SMKR1: variants seen among roughly 807,000 people sequenced by gnomAD.
SMKR1 encodes small lysine rich protein 1, also known as small lysine-rich protein 1.
A neutral mutation model predicts 4.0 loss-of-function variants in SMKR1; 4 were observed. That is an observed-to-expected ratio of 1.00 (90% CI 0.49 to 2.30). The LOEUF is 2.30. Among genes scored for constraint, SMKR1 ranks in the 30% most tolerant of loss-of-function variants. The pLI, the probability that SMKR1 is intolerant of heterozygous loss-of-function variation, is 0.02. For missense variants in SMKR1, 56 were observed against 81.8 expected, an observed-to-expected ratio of 0.68 and a Z score of 1.22; for synonymous variants, 38 against 32.5, an observed-to-expected ratio of 1.17 and a Z score of -0.58.
intron 1 of SMKR1, among the ~76,000 whole-genome samples, chr7:129,510,251 T>G (rs1009223600): frequency 8.5e-5 from 13 of 152,218 alleles, no homozygotes; most frequent in Non-Finnish European, 1.9e-4. Context: ...TATTTCCAGA[T>G]TAGGATGGTA....
In SMKR1 at chr7:129,512,366, C is replaced by G. The variant is rs1027578932; in HGVS notation, c.123C>G (p.Asn41Lys). 6.5e-7 allele frequency: 1 copy of G among 1,536,050 alleles called. No individual in the cohort carries two copies. The highest frequency in any genetic ancestry group is 1.2e-5 in the South Asian group (1 of 84,050). ...AMLNLYYIAHNVADCLHLRGF... is the reference protein window; with the variant it reads ...AMLNLYYIAHKVADCLHLRGF... ...TGAACCTCTACTACATCGCCCACAA[C>G]GTCGCTGACTGCCTGCATCTGCGAG... is the stretch of plus-strand genomic sequence containing the variant. The change falls in exon 2 of 2, where the codon AAC becomes AAG. Residue 41 changes from asparagine to lysine, a missense_variant. Asn to Lys is a moderately conservative substitution (Grantham distance 94). Transcript: ENST00000462322.
chr7:129,504,099 A>G lies in SMKR1; in HGVS notation c.3+1272A>G, dbSNP rs541786460. Among the ~76,000 whole-genome samples the G allele has an allele frequency of 9.5e-4, 145 of 152,202 alleles. 1 individual carries two copies. The highest frequency in any genetic ancestry group is 3.4e-3 in the Middle Eastern group (1 of 294). On this transcript the variant is annotated intron_variant, in intron 1 of 1. Coordinates refer to ENST00000462322, the MANE Select transcript of SMKR1 (RefSeq NM_001195243.2). Reference sequence around the variant, plus strand: ...CGCCTTGGCCTCTCAAATTGCTGGGATTACAGGTGTGAGCCACTGTGCCCA... The same window carrying G: ...CGCCTTGGCCTCTCAAATTGCTGGGGTTACAGGTGTGAGCCACTGTGCCCA...
chr7:129,503,696 T>C (rs1206396357), intron 1 of SMKR1, among the ~76,000 whole-genome samples: 1 of 152,162 alleles, frequency 6.6e-6, no homozygotes, highest in Non-Finnish European at 1.5e-5. Context: ...AAAGCCTTAT[T>C]CCTCATTAGA....
intron 1 of SMKR1, among the ~76,000 whole-genome samples, chr7:129,503,829 CTTTTTT>C (rs11404964): frequency 1.6e-5 from 2 of 126,298 alleles, no homozygotes; most frequent in African/African-American, 6.0e-5. Context: ...GAGCTATTAC[CTTTTTT>C]TTTTTTTTTT....
Position 129,502,810 on chromosome 7 carries a change from C to T in SMKR1, c.-15C>T, listed in dbSNP as rs1275523957. On this transcript the variant is annotated 5_prime_UTR_variant, in exon 1 of 2. Transcript: ENST00000462322. ...GGAGAGTCCACCACGCCTGCCTGCTCGGCTGAGAATCGCCATGGTAATCCC... is the reference window on the plus strand; with the variant it reads ...GGAGAGTCCACCACGCCTGCCTGCTTGGCTGAGAATCGCCATGGTAATCCC... The T allele has an allele frequency of 6.5e-6, 10 of 1,534,982 alleles. No individual in the cohort carries two copies. Among genetic ancestry groups the T allele is most frequent in the African/African-American group, 2.8e-5 (2 of 72,486 alleles).
intron 1 of SMKR1, among the ~76,000 whole-genome samples, chr7:129,507,019 T>C (rs1799474340): frequency 7.3e-6 from 1 of 136,296 alleles, no homozygotes; most frequent in African/African-American, 2.9e-5. Flanking sequence ...ATCTGACTAA[T>C]TTTTTTTTTT....
At chr7:129,504,771 C>G (rs776101554) in intron 1 of SMKR1, among the ~76,000 whole-genome samples, 1 of 152,180 alleles carries the variant, frequency 6.6e-6, no homozygotes, top group Non-Finnish European at 1.5e-5. Context: ...CCAGACTGGT[C>G]TCAAACTGGG....
rs371874014 is a variant in SMKR1, at chr7:129,504,051, C to T, written c.3+1224C>T. On this transcript the variant is annotated intron_variant, in intron 1 of 1. Transcript: ENST00000462322. ...CCATGTTGCCCAGGCTGGTCTCAAA[C>T]GCCTGGGCTCAAGGGATCCGCCCGC... is the stretch of plus-strand genomic sequence containing the variant. Among the ~76,000 whole-genome samples, 46 of 152,008 alleles carry T rather than the reference C, an allele frequency of 3.0e-4. No homozygotes were observed. In the East Asian group the frequency reaches 3.1e-3, roughly 10 times the overall value.
intron 1 of SMKR1, among the ~76,000 whole-genome samples, chr7:129,510,652 T>A (rs1339981043): frequency 6.6e-6 from 1 of 152,088 alleles, no homozygotes; most frequent in East Asian, 1.9e-4. Context: ...CGCTTGAGCC[T>A]GGAAGGTCAG....
chr7:129,504,463 C>G (rs1027074274), intron 1 of SMKR1, among the ~76,000 whole-genome samples: 1 of 152,220 alleles, frequency 6.6e-6, no homozygotes, highest in African/African-American at 2.4e-5. Context: ...CTTTGATGGC[C>G]CAGATGAGGT....
intron 1 of SMKR1, among the ~76,000 whole-genome samples, chr7:129,503,829 C>CTTTTTT (rs11404964): frequency 7.9e-6 from 1 of 126,298 alleles, no homozygotes; most frequent in African/African-American, 3.0e-5. Flanking sequence ...GAGCTATTAC[C>CTTTTTT]TTTTTTTTTT....
intron 1 of SMKR1, among the ~76,000 whole-genome samples, chr7:129,510,664 G>T (rs1346950755): frequency 6.6e-6 from 1 of 152,148 alleles, no homozygotes; most frequent in Non-Finnish European, 1.5e-5. Flanking sequence ...GAAGGTCAGG[G>T]TTACAGTAAG....
Position 129,512,459 on chromosome 7 carries a change from T to C in SMKR1, c.*18T>C. ...GCAAGTGACAGCATTTCACAACACA[T>C]CTCTGTTACAGACAACAGGACCTGG... On this transcript the variant is annotated 3_prime_UTR_variant, in exon 2 of 2. Coordinates refer to ENST00000462322, the MANE Select transcript of SMKR1 (RefSeq NM_001195243.2). 3.3e-6 allele frequency: 5 copies of C among 1,528,914 alleles called. No individual in the cohort carries two copies. Among genetic ancestry groups the C allele is most frequent in the Non-Finnish European group, 2.6e-6 (3 of 1,144,260 alleles). 94.7% of individuals were successfully genotyped at this position (1,528,914 alleles called of 1,614,324 possible). A position where few individuals can be genotyped will look rare whatever the true frequency, so the allele number is the denominator to read the frequency against.
At chr7:129,503,940 G>A (rs763622688) in intron 1 of SMKR1, among the ~76,000 whole-genome samples, 3 of 146,138 alleles carry the variant, frequency 2.1e-5, no homozygotes, top group Non-Finnish European at 4.5e-5. Context: ...TGATCCTCCC[G>A]CCTCAGCCTC....
intron 1 of SMKR1, among the ~76,000 whole-genome samples, chr7:129,504,859 C>A (rs1799449164): frequency 6.6e-6 from 1 of 152,138 alleles, no homozygotes; most frequent in Non-Finnish European, 1.5e-5. Flanking sequence ...CCAATAGGGC[C>A]CTTTCTTCAC....
intron 1 of SMKR1, among the ~76,000 whole-genome samples, chr7:129,505,572 C>T (rs767247830): frequency 4.0e-5 from 6 of 151,716 alleles, no homozygotes; most frequent in East Asian, 3.9e-4. Flanking sequence ...TCCGCCTCCC[C>T]GGTTCAAGCA....
At chr7:129,509,760 C>A (rs758999400) in intron 1 of SMKR1, among the ~76,000 whole-genome samples, 1 of 152,122 alleles carries the variant, frequency 6.6e-6, no homozygotes, top group African/African-American at 2.4e-5. Context: ...AGGCTGATCT[C>A]GAACTCCTGA....
In SMKR1 at chr7:129,502,762, G is replaced by C; in HGVS notation, c.-63G>C. The C allele has an allele frequency of 6.5e-7, 1 of 1,534,622 alleles. No homozygotes were observed. The highest frequency in any genetic ancestry group is 8.7e-7 in the Non-Finnish European group (1 of 1,146,368). The stretch of plus-strand genomic sequence containing the variant: ...GGGCGCTGGGGGCAGCGGCCCCGGT[G>C]GATGCTAAGGGCTTCGGGATCGGGA... On this transcript the variant is annotated 5_prime_UTR_variant, in exon 1 of 2. Transcript: ENST00000462322.
chr7:129,512,528 CT>C lies in SMKR1; in HGVS notation c.*90del. On this transcript the variant is annotated 3_prime_UTR_variant, in exon 2 of 2. Transcript: ENST00000462322. The stretch of plus-strand genomic sequence containing the variant: ...ACACAACTGTTGCCAGCAACATAGA[CT>C]TTACTCCAGACGACTTGAGATGCAA... 7.6e-7 allele frequency: 1 copy of C among 1,309,574 alleles called. No individual in the cohort carries two copies. The highest frequency in any genetic ancestry group is 2.7e-5 in the East Asian group (1 of 36,694). 81.1% of individuals were successfully genotyped at this position (1,309,574 alleles called of 1,614,324 possible).
Sources: gnomAD v4.1 joint callset for allele counts (sites outside exome capture counted in the v4.1 genomes callset) on GRCh38, gnomAD v4.1.1 for gene constraint, MANE v1.5 for transcripts, NCBI Gene and HGNC (gene_info 2026-07-23, HGNC 2026-07-21) for gene names.